The following CALD1 variants were observed in gnomAD, a reference collection of about 807,000 sequenced individuals.
CALD1 encodes the protein caldesmon 1.
CALD1 carries 33 observed loss-of-function variants against 99.9 expected under a neutral mutation model. The observed-to-expected ratio is 0.33, with a 90% CI of 0.25 to 0.44. The LOEUF is 0.44. CALD1 is among the 20% of genes least tolerant of loss of function. The pLI is 1.00. For synonymous variants in CALD1, 310 were observed against 325.0 expected (o/e 0.95, Z 0.50); for missense variants, 861 against 962.1 (o/e 0.89, Z 1.39).
intron 11 of CALD1, among the ~76,000 whole-genome samples, chr7:134,959,158 T>A (rs1290600578): frequency 6.6e-6 from 1 of 151,648 alleles, no homozygotes; most frequent in Non-Finnish European, 1.5e-5. Context: ...TGTCTTGTTT[T>A]TTGTTTGTTT....
chr7:134,746,544 G>A (rs1349943224), intron 1 of CALD1, among the ~76,000 whole-genome samples: 1 of 152,156 alleles, frequency 6.6e-6, no homozygotes, highest in Non-Finnish European at 1.5e-5. Context: ...AATGAGTAGA[G>A]GCTGGAAGAG....
Position 134,812,529 on chromosome 7 carries a change from A to G in CALD1, c.-129-31355A>G, listed in dbSNP as rs1798391333. 2.0e-5 allele frequency among the ~76,000 whole-genome samples: 3 copies of G among 151,822 alleles called. 1 individual carries two copies. In the South Asian group the frequency reaches 6.2e-4, roughly 32 times the overall value. On this transcript the variant is annotated intron_variant, in intron 1 of 14. Transcript: ENST00000361675. ...GGCCTTCTCCTACTTCCCACCCTTC[A>G]GAGATGAGAGACTGCTATTATCCAT...
At chr7:134,713,455 G>C in the CALD1 span, among the ~76,000 whole-genome samples, 1 of 152,214 alleles carries the variant, frequency 6.6e-6, no homozygotes, top group Non-Finnish European at 1.5e-5. Context: ...CTTGGTGAGT[G>C]AAAGCTGGGG....
At chr7:134,891,419 AT>A (rs1802158955) in intron 3 of CALD1, 2 of 1,291,242 alleles carry the variant, frequency 1.5e-6, no homozygotes, top group Non-Finnish European at 2.0e-6. Context: ...GGAGGAGTAG[AT>A]TTGGCTGAGG....
Position 134,934,203 on chromosome 7 carries a change from A to AT in CALD1, c.1308+132dup, listed in dbSNP as rs1805770546. ...TGCTTGATCATTTGGCAAGCTGTTC[A>AT]TTTTTTCAGGCCATAGCGATACACA... On this transcript the variant is annotated intron_variant, in intron 5 of 14. Coordinates refer to ENST00000361675, the MANE Select transcript of CALD1 (RefSeq NM_033138.4). The AT allele has an allele frequency of 3.5e-6, 5 of 1,413,424 alleles. No homozygotes were observed. The Admixed American group carries it at 9.1e-5, about 26-fold the overall frequency. 87.6% of individuals were successfully genotyped at this position (1,413,424 alleles called of 1,614,324 possible).
At chr7:134,715,980 T>A in the CALD1 span, among the ~76,000 whole-genome samples, 1 of 152,190 alleles carries the variant, frequency 6.6e-6, no homozygotes, top group Non-Finnish European at 1.5e-5. Context: ...TATTATACTT[T>A]AAGTTTTAGG....
chr7:134,883,229 C>T (rs1163227168), intron 3 of CALD1, among the ~76,000 whole-genome samples: 1 of 152,170 alleles, frequency 6.6e-6, no homozygotes, highest in Non-Finnish European at 1.5e-5. Flanking sequence ...TAGAAAGACT[C>T]TGAATTCTAA....
In CALD1 at chr7:134,790,511, G is replaced by A. The variant is rs73446175; in HGVS notation, c.-130+10762G>A. On this transcript the variant is annotated intron_variant, in intron 1 of 14. Coordinates refer to ENST00000361675, the MANE Select transcript of CALD1 (RefSeq NM_033138.4). ...ATGGAAACCAGAGCAGGAGGTTTCC[G>A]TAACCAGTCATTATAATTTGTCAGG... Among the ~76,000 whole-genome samples, 673 of 152,210 alleles carry A rather than the reference G, an allele frequency of 4.4e-3. 5 individuals carry two copies. Among genetic ancestry groups the A allele is most frequent in the African/African-American group, 0.015 (637 of 41,516 alleles).
At chr7:134,793,476 A>AT (rs1797622018) in intron 1 of CALD1, among the ~76,000 whole-genome samples, 1 of 151,746 alleles carries the variant, frequency 6.6e-6, no homozygotes, top group South Asian at 2.1e-4. Flanking sequence ...TCTTGTCTGC[A>AT]TTTTCCATGT....
chr7:134,784,845 C>A lies in CALD1; in HGVS notation c.-130+5096C>A, dbSNP rs948500691. On this transcript the variant is annotated intron_variant, in intron 1 of 14. Coordinates refer to ENST00000361675, the MANE Select transcript of CALD1 (RefSeq NM_033138.4). Reference sequence around the variant, plus strand: ...ATCCCTTTCCACTAGTGTGACTCAGCTCAGCGCACGTGTCTGCCTCTTTCT... The same window carrying A: ...ATCCCTTTCCACTAGTGTGACTCAGATCAGCGCACGTGTCTGCCTCTTTCT... Among the ~76,000 whole-genome samples, 17 of 152,296 alleles carry A rather than the reference C, an allele frequency of 1.1e-4. 3 individuals carry two copies. In the South Asian group the frequency reaches 3.5e-3, roughly 32 times the overall value.
intron 3 of CALD1, among the ~76,000 whole-genome samples, chr7:134,911,554 T>G (rs1008802076): frequency 2.6e-5 from 4 of 152,254 alleles, no homozygotes; most frequent in African/African-American, 9.6e-5. Context: ...TGGAGTCATA[T>G]TTCATTGATC....
chr7:134,885,216 A>C (rs1801798685), intron 3 of CALD1, among the ~76,000 whole-genome samples: 1 of 152,180 alleles, frequency 6.6e-6, no homozygotes, highest in Non-Finnish European at 1.5e-5. Flanking sequence ...TACAGGTGTG[A>C]GCCCCGACAC....
intron 1 of CALD1, among the ~76,000 whole-genome samples, chr7:134,810,664 T>G (rs1035960608): frequency 6.6e-6 from 1 of 152,170 alleles, no homozygotes; most frequent in African/African-American, 2.4e-5. Flanking sequence ...TGTGGGCCAA[T>G]TTTTGAAACG....
intron 4 of CALD1, 86 bp from the exon 5 acceptor site, chr7:134,932,902 G>A: frequency 1.1e-6 from 1 of 874,050 alleles, no homozygotes; most frequent in African/African-American, 1.7e-5. Flanking sequence ...GGCATCTGCT[G>A]TAGTCCTGGG....
chr7:134,726,831 G>A, the CALD1 span, among the ~76,000 whole-genome samples: 1 of 152,172 alleles, frequency 6.6e-6, no homozygotes, highest in Non-Finnish European at 1.5e-5. Context: ...CAGGACCACA[G>A]CTAAAATCTT....
At chr7:134,758,935 C>T (rs1796753875) in intron 1 of CALD1, among the ~76,000 whole-genome samples, 1 of 152,120 alleles carries the variant, frequency 6.6e-6, no homozygotes, top group Non-Finnish European at 1.5e-5. Flanking sequence ...GAAATCCTGG[C>T]ACATGGCAAT....
chr7:134,850,908 G>T (rs986375500), intron 2 of CALD1, among the ~76,000 whole-genome samples: 4 of 152,090 alleles, frequency 2.6e-5, no homozygotes, highest in Admixed American at 6.6e-5. Flanking sequence ...AGATCTGATG[G>T]TTTTATAAAG....
At chr7:134,932,106 T>G (rs1805564137) in intron 4 of CALD1, among the ~76,000 whole-genome samples, 1 of 152,220 alleles carries the variant, frequency 6.6e-6, no homozygotes, top group Non-Finnish European at 1.5e-5. Flanking sequence ...GTTCATTGCC[T>G]TGGTTGGACA....
At chr7:134,756,292 C>A (rs12674265) in intron 1 of CALD1, among the ~76,000 whole-genome samples, 47 of 130,550 alleles carry the variant, frequency 3.6e-4, no homozygotes, top group Non-Finnish European at 4.5e-4. Context: ...AAAAAAAAAA[C>A]TAAAAATTAA....
Sources: allele counts gnomAD v4.1 joint callset (sites outside exome capture counted in the v4.1 genomes callset), GRCh38; gene constraint gnomAD v4.1.1; transcripts MANE v1.5; gene names NCBI Gene and HGNC (gene_info 2026-07-23, HGNC 2026-07-21).